Variants in USP47 observed in about 807,000 individuals in gnomAD.
USP47 encodes ubiquitin carboxyl-terminal hydrolase 47.
USP47 carries 35 observed loss-of-function variants against 165.1 expected under a neutral mutation model. The ratio of observed to expected loss-of-function variants is 0.21; its 90% CI spans 0.16 to 0.28. The LOEUF is 0.28. Among genes scored for constraint, USP47 ranks in the 10% least tolerant of loss-of-function variants. The pLI is 1.00. For synonymous variants in USP47, 531 were observed against 544.5 expected (o/e 0.98, Z 0.35); for missense variants, 1,277 against 1,607.4 (o/e 0.79, Z 3.52).
chr11:11,942,488 C>G lies in USP47; in HGVS notation c.2467C>G (p.Gln823Glu). 1 of 1,613,526 alleles carries G rather than the reference C, an allele frequency of 6.2e-7. No individual in the cohort carries two copies. The highest frequency in any genetic ancestry group is 1.1e-5 in the South Asian group (1 of 91,060). Residue 823 changes from glutamine to glutamate, a missense_variant, in exon 20 of 28, where the codon CAG becomes GAG. Gln to Glu is a conservative substitution (Grantham distance 29). Around this residue, in one of 4 missense-constraint regions of USP47, gnomAD observed 909 missense variants for 1,068.1 expected, o/e 0.85. Transcript: ENST00000527733. The stretch of plus-strand genomic sequence containing the variant: ...ATCTTATTCCAAAAGGACAGCATAC[C>G]AGAAAGCTGGAGGCGATTCTGGTAA... ...PVSYSKRTAYQKAGGDSGNVD... is the reference protein window; with the variant it reads ...PVSYSKRTAYEKAGGDSGNVD...
In USP47 at chr11:11,954,887, T is replaced by C; in HGVS notation, c.3715-10T>C. 1.2e-6 allele frequency: 2 copies of C among 1,610,948 alleles called. No individual in the cohort carries two copies. Among genetic ancestry groups the C allele is most frequent in the Non-Finnish European group, 1.7e-6 (2 of 1,179,200 alleles). ...TTAAATGAACTCAAATAAAATGTTT[T>C]ATTTTACAGCTTAGTGAAATCAGTG... is the stretch of plus-strand genomic sequence containing the variant. On this transcript the variant is annotated splice_polypyrimidine_tract_variant and intron_variant, in intron 25 of 27. Coordinates refer to ENST00000527733, the MANE Select transcript of USP47 (RefSeq NM_001282659.2).
At chr11:11,926,722 C>CT (rs35333778) in intron 11 of USP47, among the ~76,000 whole-genome samples, 1 of 150,682 alleles carries the variant, frequency 6.6e-6, no homozygotes, top group South Asian at 2.1e-4. Flanking sequence ...TCTTCTTCCT[C>CT]TTTTTTTACA....
chr11:11,886,838 A>G (rs115063961), intron 3 of USP47, among the ~76,000 whole-genome samples: 1,824 of 152,288 alleles, frequency 0.012, 41 homozygotes, highest in African/African-American at 0.042. Flanking sequence ...AAGGGTAACC[A>G]GAGAGAAAGG....
chr11:11,867,038 C>T (rs1394017731), intron 1 of USP47, among the ~76,000 whole-genome samples: 3 of 152,168 alleles, frequency 2.0e-5, no homozygotes, highest in African/African-American at 7.2e-5. Context: ...GTTGGGATTA[C>T]AGGTGTGTGC....
At chr11:11,862,973 C>T (rs969894364) in intron 1 of USP47, among the ~76,000 whole-genome samples, 2 of 152,022 alleles carry the variant, frequency 1.3e-5, no homozygotes, top group Non-Finnish European at 2.9e-5. Context: ...CATCATCTAC[C>T]CCCCTCCCAC....
chr11:11,919,525 T>A (rs1853671167), intron 8 of USP47, among the ~76,000 whole-genome samples: 1 of 151,882 alleles, frequency 6.6e-6, no homozygotes, highest in African/African-American at 2.4e-5. Flanking sequence ...TAATGCTGTA[T>A]GGAGAAAAGA....
intron 25 of USP47, among the ~76,000 whole-genome samples, chr11:11,953,328 T>C (rs895680679): frequency 6.6e-6 from 1 of 152,198 alleles, no homozygotes; most frequent in African/African-American, 2.4e-5. Context: ...ACTAGCACAA[T>C]GAGCATTTTG....
At chr11:11,938,432 C>A in intron 18 of USP47, 60 bp downstream of exon 18, 1 of 1,246,976 alleles carries the variant, frequency 8.0e-7, no homozygotes, top group African/African-American at 1.5e-5. Flanking sequence ...ACAAGACACA[C>A]TATGTGACAG....
intron 11 of USP47, among the ~76,000 whole-genome samples, chr11:11,923,118 C>T (rs1853983045): frequency 7.2e-6 from 1 of 138,624 alleles, no homozygotes; most frequent in Non-Finnish European, 1.5e-5. Flanking sequence ...AAACTGCTTA[C>T]AGGTAAGAAC....
intron 11 of USP47, among the ~76,000 whole-genome samples, chr11:11,927,904 G>T (rs540034454): frequency 6.6e-6 from 1 of 151,928 alleles, no homozygotes; most frequent in African/African-American, 2.4e-5. Context: ...TAAAATTATT[G>T]CAATTGGGAA....
chr11:11,880,599 T>A (rs1420929060), intron 2 of USP47, among the ~76,000 whole-genome samples: 1 of 152,168 alleles, frequency 6.6e-6, no homozygotes, highest in Non-Finnish European at 1.5e-5. Flanking sequence ...TAATGTCATT[T>A]CATCAGTTTT....
chr11:11,866,162 T>TTA (rs1195516405), intron 1 of USP47, among the ~76,000 whole-genome samples: 1 of 152,222 alleles, frequency 6.6e-6, no homozygotes, highest in Admixed American at 6.5e-5. Context: ...ATATAGGTCT[T>TTA]TATCTATTTT....
rs1389174230 is a variant in USP47, at chr11:11,938,265, G to A, written c.2086G>A (p.Val696Met). 6.2e-7 allele frequency: 1 copy of A among 1,611,692 alleles called. No homozygotes were observed. Among genetic ancestry groups the A allele is most frequent in the Non-Finnish European group, 8.5e-7 (1 of 1,178,554 alleles). The change falls in exon 18 of 28, where the codon GTG becomes ATG. Residue 696 changes from valine (V) to methionine (M), a missense_variant. By Grantham distance (21) the Val-to-Met change is conservative (BLOSUM62 1). Coordinates refer to ENST00000527733, the MANE Select transcript of USP47 (RefSeq NM_001282659.2). ...GTCTTCAAATGTGACAGAAGTGATG[G>A]TGAAAGTTCATGTTGTTGATCTAAA... Reference protein sequence around the residue: ...FQSYKPGEVMVKVHVVDLKAE... With the variant: ...FQSYKPGEVMMKVHVVDLKAE...
At chr11:11,849,484 G>T (rs1251964847) in intron 1 of USP47, among the ~76,000 whole-genome samples, 1 of 152,136 alleles carries the variant, frequency 6.6e-6, no homozygotes, top group Non-Finnish European at 1.5e-5. Context: ...CTGTAACAAA[G>T]AATTAGAAGG....
intron 12 of USP47, 25 bp downstream of exon 12, chr11:11,929,590 T>C (rs779325749): frequency 1.2e-6 from 2 of 1,606,658 alleles, no homozygotes; most frequent in Non-Finnish European, 1.7e-6. Context: ...TTTAAGATTA[T>C]TACTCTGAAA....
rs533299140 is a variant in USP47 at position 11,898,572 on chromosome 11, T to C, written c.593+879T>C. 2.6e-5 allele frequency among the ~76,000 whole-genome samples: 4 copies of C among 152,252 alleles called. No homozygotes were observed. In the East Asian group the frequency reaches 5.8e-4, roughly 22 times the overall value. Reference sequence around the variant, plus strand: ...GTATTGCCCTGTAGTGTTTAAATGCTAGGCACTTGGTGGATAGAGAGGGAA... The same window carrying C: ...GTATTGCCCTGTAGTGTTTAAATGCCAGGCACTTGGTGGATAGAGAGGGAA... On this transcript the variant is annotated intron_variant, in intron 5 of 27. Coordinates refer to ENST00000527733, the MANE Select transcript of USP47 (RefSeq NM_001282659.2).
In USP47 at chr11:11,904,219, A is replaced by C. The variant is rs945925594; in HGVS notation, c.819+877A>C. Among the ~76,000 whole-genome samples, 4 of 152,184 alleles carry C rather than the reference A, an allele frequency of 2.6e-5. No individual in the cohort carries two copies. In the East Asian group the frequency reaches 7.7e-4, roughly 29 times the overall value. Reference sequence around the variant, plus strand: ...TGATTTGCTATTCAGTATTTGAAAAACACTGGTTTGAACCACTTCAAAAGG... The same window carrying C: ...TGATTTGCTATTCAGTATTTGAAAACCACTGGTTTGAACCACTTCAAAAGG... On this transcript the variant is annotated intron_variant, in intron 7 of 27. Coordinates refer to ENST00000527733, the MANE Select transcript of USP47 (RefSeq NM_001282659.2).
chr11:11,891,975 C>T lies in USP47; in HGVS notation c.365C>T (p.Ser122Phe). The T allele has an allele frequency of 6.2e-7, 1 of 1,611,512 alleles. No homozygotes were observed. Among genetic ancestry groups the T allele is most frequent in the Non-Finnish European group, 8.5e-7 (1 of 1,179,040 alleles). Residue 122 changes from serine (S) to phenylalanine (F), a missense_variant, in exon 4 of 28, where the codon TCC becomes TTC. Ser to Phe is a radical substitution (Grantham distance 155). This residue lies in a region of USP47 where 181 missense variants were observed against 194.7 expected (regional missense o/e 0.93). Transcript: ENST00000527733. ...GAATATGTTGCATTTTAGGAGGATT[C>T]CAGTGCTGGGGAAGACAGTGTTCAT... ...GEQPQILLEDSSAGEDSVHDR... is the reference protein window; with the variant it reads ...GEQPQILLEDFSAGEDSVHDR...
intron 3 of USP47, among the ~76,000 whole-genome samples, chr11:11,891,273 GCTC>G (rs1179113875): frequency 5.9e-5 from 9 of 152,152 alleles, no homozygotes; most frequent in Non-Finnish European, 1.2e-4. Context: ...ATGACGCTTT[GCTC>G]AGGAAAGATT....
Sources: gnomAD v4.1 joint callset for allele counts (sites outside exome capture counted in the v4.1 genomes callset) on GRCh38, gnomAD v4.1.1 for gene constraint, gnomAD v4.1.1 regional missense constraint, MANE v1.5 for transcripts, NCBI Gene and HGNC (gene_info 2026-07-23, HGNC 2026-07-21) for gene names.